The following SEZ6 variants were observed in gnomAD, a reference collection of about 807,000 sequenced individuals.
The protein encoded by SEZ6 is seizure protein 6 homolog.
Under a neutral mutation model 101.0 loss-of-function variants are expected in SEZ6, and 53 were observed. The ratio of observed to expected loss-of-function variants is 0.52; its 90% CI spans 0.42 to 0.66. The LOEUF (loss-of-function observed/expected upper bound fraction) is 0.66, where lower values mean the gene tolerates loss of function less well. SEZ6 is among the 30% of genes least tolerant of loss of function. The pLI is 0.00. For synonymous variants in SEZ6, 488 were observed against 512.2 expected (o/e 0.95, Z 0.64); for missense variants, 1,102 against 1,289.4 (o/e 0.85, Z 2.23).
chr17:28,961,594 G>A (rs912092502), intron 5 of SEZ6, among the ~76,000 whole-genome samples: 4 of 152,194 alleles, frequency 2.6e-5, no homozygotes, highest in Middle Eastern at 3.2e-3. Flanking sequence ...TACCACTGCC[G>A]TTCCTGGGCT....
chr17:28,991,040 G>C (rs1015145917), intron 1 of SEZ6, among the ~76,000 whole-genome samples: 1 of 151,774 alleles, frequency 6.6e-6, no homozygotes, highest in African/African-American at 2.4e-5. Context: ...CAAGTAGCTG[G>C]GACTACAGGC....
intron 1 of SEZ6, among the ~76,000 whole-genome samples, chr17:28,993,307 TCTC>T (rs2041491220): frequency 1.3e-5 from 2 of 151,742 alleles, no homozygotes; most frequent in South Asian, 2.1e-4. Flanking sequence ...CCAGGCCCCT[TCTC>T]CTACCTGCTA....
chr17:28,983,075 G>T (rs77418882), intron 1 of SEZ6, among the ~76,000 whole-genome samples: 2,669 of 152,324 alleles, frequency 0.018, 73 homozygotes, highest in African/African-American at 0.06. Context: ...GCAGTAATAT[G>T]AGTAGAGTGG....
In SEZ6 at chr17:28,993,050, G is replaced by A. The variant is rs181000834; in HGVS notation, c.56-11011C>T. Among the ~76,000 whole-genome samples the A allele has an allele frequency of 5.9e-5, 9 of 152,124 alleles. No individual in the cohort carries two copies. In the East Asian group the frequency reaches 1.2e-3, roughly 20 times the overall value. On this transcript the variant is annotated intron_variant, in intron 1 of 16. Transcript: ENST00000317338. Reference sequence around the variant, plus strand: ...GAGTGGGGGTTAGGTGAGAGGGAGGGACTGACCTTGAGGTAGGGGCAGGAA... The same window carrying A: ...GAGTGGGGGTTAGGTGAGAGGGAGGAACTGACCTTGAGGTAGGGGCAGGAA...
At chr17:28,956,502 C>G in intron 14 of SEZ6, 35 bp from the exon 15 acceptor site, 1 of 1,533,426 alleles carries the variant, frequency 6.5e-7, no homozygotes, top group Non-Finnish European at 8.8e-7. Context: ...GAGCAGAGGT[C>G]TCTGTCACCT....
chr17:28,970,099 A>G, intron 3 of SEZ6, 147 bp from the exon 4 acceptor site: 1 of 657,810 alleles, frequency 1.5e-6, no homozygotes, highest in Non-Finnish European at 2.4e-6. Flanking sequence ...TGAGCTGGGC[A>G]CTTCAGCAGT....
intron 1 of SEZ6, among the ~76,000 whole-genome samples, chr17:28,991,734 C>T (rs967477783): frequency 5.3e-5 from 8 of 152,048 alleles, no homozygotes; most frequent in African/African-American, 9.7e-5. Context: ...TGGACTTCTT[C>T]GAGTTTTTCA....
intron 7 of SEZ6, among the ~76,000 whole-genome samples, 156 bp from the exon 8 acceptor site, chr17:28,960,048 A>T (rs1384240184): frequency 6.6e-6 from 1 of 152,104 alleles, no homozygotes; most frequent in Non-Finnish European, 1.5e-5. Context: ...TGGAGGAGGG[A>T]CAGCCAAGAG....
chr17:29,002,606 G>T (rs2041629862), intron 1 of SEZ6, among the ~76,000 whole-genome samples: 1 of 152,108 alleles, frequency 6.6e-6, no homozygotes, highest in South Asian at 2.1e-4. Flanking sequence ...TCAACCTCTG[G>T]GTTTCTGAAC....
intron 1 of SEZ6, among the ~76,000 whole-genome samples, chr17:28,985,148 C>T (rs184652956): frequency 2.7e-4 from 41 of 152,334 alleles, no homozygotes; most frequent in African/African-American, 9.1e-4. Context: ...TCCACATACC[C>T]ACCTGCCTCA....
chr17:28,960,360 G>A, intron 7 of SEZ6, 145 bp downstream of exon 7: 1 of 1,075,136 alleles, frequency 9.3e-7, no homozygotes, highest in East Asian at 2.6e-5. Flanking sequence ...GCAGGGAAAG[G>A]GGGCCTAAGT....
chr17:28,957,935 A>G lies in SEZ6; in HGVS notation c.2302+12T>C, dbSNP rs1325621108. On this transcript the variant is annotated intron_variant, in intron 11 of 16. Coordinates refer to ENST00000317338, the MANE Select transcript of SEZ6 (RefSeq NM_178860.5). ...TGTTGGGAAGGGGAGCGTGGGGAAC[A>G]GGTATACTCACCCCTCTGGCATGAG... 2 of 1,606,376 alleles carry G rather than the reference A, an allele frequency of 1.2e-6. No individual in the cohort carries two copies. The highest frequency in any genetic ancestry group is 2.7e-5 in the African/African-American group (2 of 74,794).
Position 28,959,917 on chromosome 17 carries a change from G to A in SEZ6, c.1577-25C>T, listed in dbSNP as rs1228455913. The A allele has an allele frequency of 1.9e-6, 3 of 1,582,664 alleles. No individual in the cohort carries two copies. The highest frequency in any genetic ancestry group is 2.6e-6 in the Non-Finnish European group (3 of 1,164,660). On this transcript the variant is annotated intron_variant, in intron 7 of 16. Transcript: ENST00000317338. The surrounding 1 kb of genome is among the most constrained non-coding windows in gnomAD (Gnocchi z 4.4). The stretch of plus-strand genomic sequence containing the variant: ...GCTGTAAACCACAGGTCCCAGCCCA[G>A]CTCAGCCTTGACTGGTATTAAACAC...
At chr17:29,006,380 GAAGACATCCGA>G (rs2041692007), upstream of SEZ6, 1 of 152,466 alleles carries the variant, frequency 6.6e-6, no homozygotes, top group African/African-American at 2.4e-5. Context: ...GGTGACCTGG[GAAGACATCCGA>G]GAGTGAGGCA....
chr17:28,956,418 T>A lies in SEZ6; in HGVS notation c.2781A>T (p.Ala927=). Residue 927 remains alanine (A), a synonymous_variant, in exon 15 of 17, where the codon GCA becomes GCT. Transcript: ENST00000317338. ...ASSTLDAAHI[A]AAIFLPLVAM... ...CCACCAGTGGCAAGAAGATGGCAGC[T>A]GCAATGTGGGCAGCATCCAGGGTGC... The A allele has an allele frequency of 1.9e-6, 3 of 1,567,344 alleles. No homozygotes were observed. Among genetic ancestry groups the A allele is most frequent in the Non-Finnish European group, 2.6e-6 (3 of 1,156,058 alleles).
intron 4 of SEZ6, among the ~76,000 whole-genome samples, chr17:28,969,189 G>T (rs905794633): frequency 6.6e-6 from 1 of 152,132 alleles, no homozygotes; most frequent in Non-Finnish European, 1.5e-5. Context: ...ACATCGTGCT[G>T]CTCCCTTATT....
At chr17:28,969,135 AAC>A (rs1312326935) in intron 4 of SEZ6, among the ~76,000 whole-genome samples, 1 of 152,218 alleles carries the variant, frequency 6.6e-6, no homozygotes, top group Non-Finnish European at 1.5e-5. Flanking sequence ...AGGAGATTCA[AAC>A]ACAGATCTGC....
chr17:28,968,580 C>T (rs1236349292), intron 4 of SEZ6, among the ~76,000 whole-genome samples: 3 of 152,210 alleles, frequency 2.0e-5, no homozygotes, highest in African/African-American at 7.2e-5. Context: ...TGGCCCCTTG[C>T]CTCTGCCAAG....
At chr17:28,979,880 CGT>C (rs3052131) in intron 2 of SEZ6, 67 bp from the exon 3 acceptor site, 124,675 of 852,292 alleles carry the variant, frequency 0.15, 3,271 homozygotes, top group African/African-American at 0.2. Context: ...AAGGCTGAAC[CGT>C]GTGTGTGTGT....
Sources: gnomAD v4.1 joint callset for allele counts (sites outside exome capture counted in the v4.1 genomes callset) on GRCh38, gnomAD v4.1.1 for gene constraint, Gnocchi (gnomAD v3.1) non-coding constraint, MANE v1.5 for transcripts, NCBI Gene and HGNC (gene_info 2026-07-23, HGNC 2026-07-21) for gene names.